Variants in GALNT5 observed in about 807,000 individuals in gnomAD.
The protein encoded by GALNT5 is UDP-GalNAc:polypeptide N-acetylgalactosaminyltransferase 5.
Under a neutral mutation model 85.4 loss-of-function variants are expected in GALNT5, and 72 were observed. That is an observed-to-expected ratio of 0.84 (90% CI 0.70 to 1.03). GALNT5 has a LOEUF of 1.03. Ranked by LOEUF, GALNT5 falls within the 50% of genes least tolerant of loss-of-function variation. The pLI is 0.00. For synonymous variants in GALNT5, 404 were observed against 397.0 expected (o/e 1.02, Z -0.21); for missense variants, 1,137 against 1,135.5 (o/e 1.00, Z -0.02).
intron 7 of GALNT5, among the ~76,000 whole-genome samples, chr2:157,304,095 G>T (rs1683403488): frequency 6.6e-6 from 1 of 152,174 alleles, no homozygotes; most frequent in Non-Finnish European, 1.5e-5. Flanking sequence ...ATTTATCTCT[G>T]CTTCAGTACA....
At position 157,258,098 on chromosome 2, in the gene GALNT5, A is replaced by C; in HGVS notation, c.16A>C (p.Lys6Gln). The change falls in exon 1 of 10, where the codon AAG (lysine) becomes CAG (glutamine). Residue 6 changes from lysine to glutamine, a missense_variant. Transcript: ENST00000259056. ...GCTTTGTACCATGAACAGGATCCGA[A>C]AGTTTTTCCGAGGAAGTGGGCGAGT... MNRIR[K>Q]FFRGSGRVLA... The C allele has an allele frequency of 6.2e-7, 1 of 1,613,656 alleles. No homozygotes were observed.
chr2:157,258,650 C>A lies in GALNT5; in HGVS notation c.568C>A (p.Arg190Ser). ...AGTCAAAATATCAGTACACATGGGA[C>A]GTGTCAGTTTAAAACAGGAGCCCCG... ...QVVKISVHMG[R>S]VSLKQEPRKS... is the part of the protein sequence containing the mutation. Residue 190 changes from arginine to serine, a missense_variant, in exon 1 of 10, where the codon CGT becomes AGT. By Grantham distance (110) the Arg-to-Ser change is moderately radical. Coordinates refer to ENST00000259056, the MANE Select transcript of GALNT5 (RefSeq NM_014568.3). The A allele has an allele frequency of 6.2e-7, 1 of 1,613,576 alleles. No homozygotes were observed. The highest frequency in any genetic ancestry group is 8.5e-7 in the Non-Finnish European group (1 of 1,179,832).
chr2:157,298,115 G>A (rs1683254954), intron 5 of GALNT5, among the ~76,000 whole-genome samples: 1 of 152,200 alleles, frequency 6.6e-6, no homozygotes, highest in Admixed American at 6.5e-5. Context: ...TGTGAGGCAG[G>A]AGAATAGGGT....
intron 1 of GALNT5, among the ~76,000 whole-genome samples, chr2:157,281,457 G>C (rs1402463394): frequency 6.6e-6 from 1 of 152,172 alleles, no homozygotes; most frequent in Non-Finnish European, 1.5e-5. Flanking sequence ...AAAAAGCCTA[G>C]AATGCCCTGA....
At chr2:157,292,067 A>G (rs1240390062) in intron 3 of GALNT5, among the ~76,000 whole-genome samples, 1 of 152,230 alleles carries the variant, frequency 6.6e-6, no homozygotes, top group Admixed American at 6.5e-5. Context: ...CTGACAGTAA[A>G]TTATACTAGC....
chr2:157,267,560 A>G (rs931023760), intron 1 of GALNT5, among the ~76,000 whole-genome samples: 1 of 152,190 alleles, frequency 6.6e-6, no homozygotes, highest in African/African-American at 2.4e-5. Context: ...ACACAGCAGG[A>G]AAGACAGAAC....
chr2:157,265,143 G>A (rs984689118), intron 1 of GALNT5, among the ~76,000 whole-genome samples: 1 of 152,180 alleles, frequency 6.6e-6, no homozygotes, highest in African/African-American at 2.4e-5. Context: ...GCATGCATTT[G>A]TGAGCATTTG....
At chr2:157,303,199 T>C (rs1416253028) in intron 7 of GALNT5, among the ~76,000 whole-genome samples, 2 of 152,226 alleles carry the variant, frequency 1.3e-5, no homozygotes, top group African/African-American at 4.8e-5. Context: ...TTTCACTGGA[T>C]TAAACTGCTG....
chr2:157,260,964 A>G (rs544914331), intron 1 of GALNT5, among the ~76,000 whole-genome samples: 17 of 152,206 alleles, frequency 1.1e-4, no homozygotes, highest in Admixed American at 2.6e-4. Context: ...GCCTGTGGTC[A>G]CAAAGCTAGT....
intron 1 of GALNT5, among the ~76,000 whole-genome samples, chr2:157,266,806 T>C (rs575172337): frequency 1.3e-5 from 2 of 152,340 alleles, no homozygotes; most frequent in South Asian, 4.1e-4. Flanking sequence ...TGTTTCCTTA[T>C]AGTCATATGA....
intron 7 of GALNT5, among the ~76,000 whole-genome samples, chr2:157,303,849 T>C (rs1226454078): frequency 6.6e-6 from 1 of 151,884 alleles, no homozygotes; most frequent in East Asian, 1.9e-4. Context: ...AAACAGGGGG[T>C]TCCCAAACAC....
chr2:157,259,294 A>G lies in GALNT5; in HGVS notation c.1212A>G (p.Glu404=). ...INITAKAPST[E]YNQSHIKALL... The stretch of plus-strand genomic sequence containing the variant: ...TAACTGCCAAAGCCCCCTCTACAGA[A>G]TACAACCAGAGTCATATAAAAGCCC... The change falls in exon 1 of 10, where the codon GAA becomes GAG. Residue 404 remains glutamate, a synonymous_variant. Coordinates refer to ENST00000259056, the MANE Select transcript of GALNT5 (RefSeq NM_014568.3). 6.2e-7 allele frequency: 1 copy of G among 1,608,070 alleles called. No homozygotes were observed. The highest frequency in any genetic ancestry group is 2.2e-5 in the East Asian group (1 of 44,828).
At chr2:157,292,294 A>C (rs1683117827) in intron 3 of GALNT5, among the ~76,000 whole-genome samples, 1 of 152,240 alleles carries the variant, frequency 6.6e-6, no homozygotes, top group Non-Finnish European at 1.5e-5. Flanking sequence ...TAACCACGCC[A>C]ATCAGAAATC....
chr2:157,305,195 G>C (rs1338424835), intron 7 of GALNT5, among the ~76,000 whole-genome samples: 4 of 152,144 alleles, frequency 2.6e-5, no homozygotes, highest in Non-Finnish European at 5.9e-5. Flanking sequence ...GTGCCTTTAT[G>C]CTTGGCTCTG....
At chr2:157,293,364 A>G (rs1459686930) in intron 3 of GALNT5, among the ~76,000 whole-genome samples, 1 of 151,776 alleles carries the variant, frequency 6.6e-6, no homozygotes, top group African/African-American at 2.4e-5. Context: ...GCTCACAAAC[A>G]CTCTCCAGCC....
At chr2:157,305,312 TTATC>T (rs1296031837) in intron 7 of GALNT5, among the ~76,000 whole-genome samples, 1 of 152,216 alleles carries the variant, frequency 6.6e-6, no homozygotes, top group African/African-American at 2.4e-5. Flanking sequence ...AGGACTCAAT[TTATC>T]TATGATTCAG....
At chr2:157,267,238 A>G (rs1055744458) in intron 1 of GALNT5, among the ~76,000 whole-genome samples, 28 of 152,326 alleles carry the variant, frequency 1.8e-4, no homozygotes, top group Admixed American at 1.8e-3. Flanking sequence ...GAAATCTGAC[A>G]TGGGTTGCAG....
intron 7 of GALNT5, chr2:157,302,275 A>G (rs1683359982): frequency 1.3e-5 from 2 of 152,186 alleles, no homozygotes; most frequent in South Asian, 4.1e-4. Flanking sequence ...AACTTACTAT[A>G]ATATTCCCCC....
At chr2:157,308,520 C>T (rs1574037183) in intron 8 of GALNT5, 47 bp from the exon 9 acceptor site, 4 of 1,472,818 alleles carry the variant, frequency 2.7e-6, no homozygotes, top group Non-Finnish European at 3.7e-6. Flanking sequence ...AAAGCCCCTG[C>T]CTGTGTTTGC....
Sources: gnomAD v4.1 joint callset for allele counts (sites outside exome capture counted in the v4.1 genomes callset) on GRCh38, gnomAD v4.1.1 for gene constraint, MANE v1.5 for transcripts, NCBI Gene and HGNC (gene_info 2026-07-23, HGNC 2026-07-21) for gene names.